Variants in GFRA3 observed in about 807,000 individuals in gnomAD.
The protein encoded by GFRA3 is GDNF family receptor alpha-3.
A neutral mutation model predicts 40.0 loss-of-function variants in GFRA3; 24 were observed. The observed-to-expected ratio is 0.60, with a 90% CI of 0.43 to 0.84. The LOEUF (loss-of-function observed/expected upper bound fraction) is 0.84. GFRA3 is among the 40% of genes least tolerant of loss of function. The pLI, the probability that GFRA3 is intolerant of heterozygous loss-of-function variation, is 0.00. For missense variants in GFRA3, 405 were observed against 530.6 expected (o/e 0.76, Z 2.33); for synonymous variants, 203 against 213.5 (o/e 0.95, Z 0.43).
At chr5:138,270,549 G>A (rs1163455866) in intron 1 of GFRA3, among the ~76,000 whole-genome samples, 1 of 151,774 alleles carries the variant, frequency 6.6e-6, no homozygotes, top group Non-Finnish European at 1.5e-5. Flanking sequence ...AATGGACTTG[G>A]GGACTTGGGG....
At chr5:138,259,690 G>T (rs922087108) in intron 2 of GFRA3, 41 bp from the exon 3 acceptor site, 1 of 872,766 alleles carries the variant, frequency 1.1e-6, no homozygotes, top group African/African-American at 1.6e-5. Flanking sequence ...TGAGGACCAG[G>T]GTGGGGTAGG....
chr5:138,268,153 C>T (rs1403405031), intron 1 of GFRA3, among the ~76,000 whole-genome samples: 3 of 151,596 alleles, frequency 2.0e-5, no homozygotes, highest in Non-Finnish European at 4.4e-5. Context: ...GGTGTGATGG[C>T]GGGCGCCTGT....
At chr5:138,263,034 G>T (rs1440538693) in intron 2 of GFRA3, among the ~76,000 whole-genome samples, 3 of 152,050 alleles carry the variant, frequency 2.0e-5, no homozygotes, top group African/African-American at 7.2e-5. Flanking sequence ...GCGCAATCTC[G>T]ACTCACTGCA....
intron 1 of GFRA3, among the ~76,000 whole-genome samples, chr5:138,268,296 A>AAAAAAAG (rs1755816373): frequency 6.7e-6 from 1 of 150,164 alleles, no homozygotes; most frequent in African/African-American, 2.4e-5. Context: ...AAAAAAAAAA[A>AAAAAAAG]AAAAAGAAAT....
chr5:138,270,985 G>C (rs1180279142), intron 1 of GFRA3, among the ~76,000 whole-genome samples: 1 of 151,998 alleles, frequency 6.6e-6, no homozygotes. Context: ...TGTTGTAACT[G>C]GACTAAAAAT....
intron 2 of GFRA3, among the ~76,000 whole-genome samples, chr5:138,261,065 C>T (rs774737667): frequency 3.9e-5 from 6 of 152,182 alleles, no homozygotes; most frequent in African/African-American, 1.2e-4. Context: ...AGAAGTGGAG[C>T]GCTACAGTAA....
At chr5:138,257,986 C>A (rs1466566614) in intron 3 of GFRA3, 35 bp from the exon 4 acceptor site, 1 of 1,569,674 alleles carries the variant, frequency 6.4e-7, no homozygotes, top group Non-Finnish European at 8.8e-7. Context: ...GTCGGCTGGG[C>A]CCTCTGCACG....
chr5:138,263,057 C>T lies in GFRA3; in HGVS notation c.379+1204G>A, dbSNP rs575131659. 3.5e-4 allele frequency among the ~76,000 whole-genome samples: 54 copies of T among 152,194 alleles called. No individual in the cohort carries two copies. The South Asian group carries it at 5.2e-3, about 15-fold the overall frequency. On this transcript the variant is annotated intron_variant, in intron 2 of 7. Transcript: ENST00000274721. ...TCGACTCACTGCAACCTCTGCTTCC[C>T]GGGTTCAAGTGATTCTCCTGCCTCA... is the stretch of plus-strand genomic sequence containing the variant.
chr5:138,266,578 C>T (rs1755787998), intron 1 of GFRA3, among the ~76,000 whole-genome samples: 1 of 152,214 alleles, frequency 6.6e-6, no homozygotes, highest in South Asian at 2.1e-4. Context: ...TAGCCAGAAT[C>T]CAGATAAAGG....
chr5:138,255,626 T>C (rs1755615181), intron 4 of GFRA3, among the ~76,000 whole-genome samples: 1 of 152,136 alleles, frequency 6.6e-6, no homozygotes, highest in African/African-American at 2.4e-5. Flanking sequence ...TGGGCAAGCA[T>C]GGTGGTTCAT....
chr5:138,272,331 T>C (rs890238494), intron 1 of GFRA3, among the ~76,000 whole-genome samples: 1 of 151,080 alleles, frequency 6.6e-6, no homozygotes, highest in African/African-American at 2.4e-5. Flanking sequence ...TTGTAATTAG[T>C]GGCCAACATT....
chr5:138,270,064 TA>T (rs1755845483), intron 1 of GFRA3, among the ~76,000 whole-genome samples: 1 of 150,960 alleles, frequency 6.6e-6, no homozygotes, highest in African/African-American at 2.4e-5. Flanking sequence ...TACTCAGCCA[TA>T]AAAAGGAATG....
chr5:138,270,930 A>G (rs999727416), intron 1 of GFRA3, among the ~76,000 whole-genome samples: 12 of 152,208 alleles, frequency 7.9e-5, no homozygotes, highest in Admixed American at 7.2e-4. Flanking sequence ...TAGGTACTGA[A>G]TAAGTGGTAA....
chr5:138,254,177 TTCTG>T lies in GFRA3; in HGVS notation c.786-21_786-18del, dbSNP rs760998410. The T allele has an allele frequency of 4.8e-6, 7 of 1,454,206 alleles. No individual in the cohort carries two copies. The highest frequency in any genetic ancestry group is 2.3e-5 in the East Asian group (1 of 44,106). 90.1% of individuals were successfully genotyped at this position (1,454,206 alleles called of 1,614,324 possible). On this transcript the variant is annotated intron_variant, in intron 4 of 7. Coordinates refer to ENST00000274721, the MANE Select transcript of GFRA3 (RefSeq NM_001496.4). ...AGGCGTGATCTGGAAGAAGGGAAAT[TTCTG>T]TCTTTCTTTTTTTTTTTTTTTTGAG...
chr5:138,255,750 T>G (rs1755616818), intron 4 of GFRA3, among the ~76,000 whole-genome samples: 1 of 151,380 alleles, frequency 6.6e-6, no homozygotes, highest in Non-Finnish European at 1.5e-5. Flanking sequence ...AATACAAAAA[T>G]TAGCTGGGCA....
intron 2 of GFRA3, among the ~76,000 whole-genome samples, chr5:138,263,524 A>AT (rs1300834420): frequency 6.6e-6 from 1 of 152,192 alleles, no homozygotes; most frequent in African/African-American, 2.4e-5. Flanking sequence ...TCTCAATGAA[A>AT]TGTAAGCAGA....
rs1467637693 is a variant in GFRA3 at position 138,253,043 on chromosome 5, A to G, written c.1128T>C (p.Ala376=). Reference sequence around the variant, plus strand: ...AGGGCACCCAGGGCTGTGGCCTCACAGCAGGGTTTTCATTCTGTGGAAGAA... The same window carrying G: ...AGGGCACCCAGGGCTGTGGCCTCACGGCAGGGTTTTCATTCTGTGGAAGAA... ...AVMAHQNENP[A]VRPQPWVPSL... is the part of the protein sequence containing the mutation. Residue 376 remains alanine, a synonymous_variant, in exon 8 of 8, where the codon GCT becomes GCC. Transcript: ENST00000274721. 5 of 1,594,566 alleles carry G rather than the reference A, an allele frequency of 3.1e-6. No individual in the cohort carries two copies. The highest frequency in any genetic ancestry group is 4.3e-6 in the Non-Finnish European group (5 of 1,162,678).
At position 138,274,614 on chromosome 5, in the gene GFRA3, G is replaced by T; in HGVS notation, c.-190C>A. The T allele has an allele frequency of 8.2e-7, 1 of 1,224,576 alleles. No individual in the cohort carries two copies. Among genetic ancestry groups the T allele is most frequent in the Non-Finnish European group, 1.0e-6 (1 of 983,822 alleles). 75.9% of individuals were successfully genotyped at this position (1,224,576 alleles called of 1,614,324 possible). On this transcript the variant is annotated 5_prime_UTR_variant, in exon 1 of 8. Coordinates refer to ENST00000274721, the MANE Select transcript of GFRA3 (RefSeq NM_001496.4). ...CGCGTCCACACCACGCGCCTCCAGC[G>T]CTGGTCCGAGGGACCGCGGGGGTGG... is the stretch of plus-strand genomic sequence containing the variant.
intron 4 of GFRA3, among the ~76,000 whole-genome samples, chr5:138,256,087 TG>T (rs1423923310): frequency 6.6e-6 from 1 of 150,620 alleles, no homozygotes; most frequent in African/African-American, 2.4e-5. Flanking sequence ...AAAAATTAGC[TG>T]GGCGTGGTGG....
Sources: allele counts gnomAD v4.1 joint callset (sites outside exome capture counted in the v4.1 genomes callset), GRCh38; gene constraint gnomAD v4.1.1; transcripts MANE v1.5; gene names NCBI Gene and HGNC (gene_info 2026-07-23, HGNC 2026-07-21).